The following TAOK3 variants were observed in gnomAD, a reference collection of about 807,000 sequenced individuals.
TAOK3 encodes the protein TAO kinase 3.
A neutral mutation model predicts 120.4 loss-of-function variants in TAOK3; 40 were observed. That is an observed-to-expected ratio of 0.33 (90% confidence interval 0.26 to 0.43). TAOK3 has a LOEUF of 0.43. Among genes scored for constraint, TAOK3 ranks in the 20% least tolerant of loss-of-function variants. The pLI is 1.00. For missense variants in TAOK3, 821 were observed against 1,112.1 expected, an observed-to-expected ratio of 0.74 and a Z score of 3.72; for synonymous variants, 355 against 387.5, an observed-to-expected ratio of 0.92 and a Z score of 0.99.
intron 15 of TAOK3, among the ~76,000 whole-genome samples, chr12:118,178,918 C>T (rs952511310): frequency 3.9e-5 from 6 of 152,150 alleles, no homozygotes; most frequent in South Asian, 4.1e-4. Flanking sequence ...ATACGTAAGA[C>T]GAGCGACTTG....
chr12:118,226,838 C>A (rs919762180), intron 9 of TAOK3, among the ~76,000 whole-genome samples: 1 of 152,072 alleles, frequency 6.6e-6, no homozygotes, highest in Admixed American at 6.6e-5. Flanking sequence ...TCAGAAAGCA[C>A]ATATAAGGGG....
intron 11 of TAOK3, among the ~76,000 whole-genome samples, chr12:118,210,986 C>G (rs2038600404): frequency 6.6e-6 from 1 of 152,180 alleles, no homozygotes; most frequent in African/African-American, 2.4e-5. Flanking sequence ...ATCCTCCCAC[C>G]TTGGCCTCCC....
At chr12:118,320,315 G>T (rs1300962465) in intron 1 of TAOK3, among the ~76,000 whole-genome samples, 1 of 152,054 alleles carries the variant, frequency 6.6e-6, no homozygotes, top group African/African-American at 2.4e-5. Context: ...GAGTAGCCGG[G>T]TATGGTGGCT....
rs763899319 is a variant in TAOK3 at position 118,151,171 on chromosome 12, C to T, written c.2536-13G>A. ...GCTCCTCTTCAATCTGAAAGAAGCACGATGCAGTTCTTAATGGAAAGCATC... is the reference window on the plus strand; with the variant it reads ...GCTCCTCTTCAATCTGAAAGAAGCATGATGCAGTTCTTAATGGAAAGCATC... On this transcript the variant is annotated splice_polypyrimidine_tract_variant and intron_variant, in intron 20 of 20. Coordinates refer to ENST00000392533, the MANE Select transcript of TAOK3 (RefSeq NM_016281.4). 19 of 1,609,918 alleles carry T rather than the reference C, an allele frequency of 1.2e-5. No homozygotes were observed. Among genetic ancestry groups the T allele is most frequent in the Middle Eastern group, 1.7e-4 (1 of 6,052 alleles).
intron 13 of TAOK3, chr12:118,198,386 C>CTTTTTTTTTTTTTTTT (rs756808682): frequency 2.5e-5 from 3 of 121,284 alleles, no homozygotes; most frequent in Admixed American, 9.3e-5. Flanking sequence ...CTTTCTTCTT[C>CTTTTTTTTTTTTTTTT]TTCTTTTTTT....
chr12:118,219,315 T>C (rs1433902322), intron 9 of TAOK3, among the ~76,000 whole-genome samples: 1 of 152,062 alleles, frequency 6.6e-6, no homozygotes, highest in African/African-American at 2.4e-5. Context: ...TGCAGTGGCG[T>C]GATCAGCTCA....
chr12:118,161,943 T>G lies in TAOK3; in HGVS notation c.1984A>C (p.Arg662=). ...HDESTRELEY[R]QLHTLQKLRM... The stretch of plus-strand genomic sequence containing the variant: ...AGCTTCTGTAACGTGTGCAGCTGCC[T>G]GTACTCTAGCTCTCGGGTGGACTCG... Residue 662 remains arginine, a synonymous_variant, in exon 18 of 21, where the codon AGG becomes CGG. Transcript: ENST00000392533. The surrounding 1 kb of genome is among the most constrained non-coding windows in gnomAD (Gnocchi z 4.5). 2 of 1,614,200 alleles carry G rather than the reference T, an allele frequency of 1.2e-6. No homozygotes were observed. Among genetic ancestry groups the G allele is most frequent in the Non-Finnish European group, 1.7e-6 (2 of 1,180,040 alleles).
At chr12:118,205,151 T>C (rs761855197) in intron 11 of TAOK3, among the ~76,000 whole-genome samples, 27 of 149,742 alleles carry the variant, frequency 1.8e-4, no homozygotes, top group Admixed American at 6.0e-4. Flanking sequence ...GCCTAGGTGA[T>C]AGAGTGAGAC....
chr12:118,176,678 A>C (rs962875975), intron 16 of TAOK3, among the ~76,000 whole-genome samples: 26 of 152,310 alleles, frequency 1.7e-4, no homozygotes, highest in African/African-American at 5.8e-4. Flanking sequence ...AAAATCTGAA[A>C]ATCAGTCAGA....
At chr12:118,230,510 C>T (rs1160646429) in intron 9 of TAOK3, among the ~76,000 whole-genome samples, 3 of 111,744 alleles carry the variant, frequency 2.7e-5, no homozygotes, top group African/African-American at 3.4e-5. Context: ...CTTGCTCTGT[C>T]ACCCAGGCTG....
At chr12:118,325,956 A>G (rs1471358074) in intron 1 of TAOK3, among the ~76,000 whole-genome samples, 4 of 152,172 alleles carry the variant, frequency 2.6e-5, no homozygotes, top group Admixed American at 1.3e-4. Flanking sequence ...CTAGCACAAC[A>G]AGCGTGAGCC....
At chr12:118,232,034 T>C (rs1395597951) in intron 9 of TAOK3, among the ~76,000 whole-genome samples, 11 of 152,254 alleles carry the variant, frequency 7.2e-5, no homozygotes, top group Admixed American at 7.2e-4. Context: ...GGCAGTATTA[T>C]GCTGTAGCTA....
intron 1 of TAOK3, among the ~76,000 whole-genome samples, chr12:118,308,929 T>A (rs2140822008): frequency 2.2e-5 from 1 of 45,706 alleles, no homozygotes; most frequent in African/African-American, 8.6e-5. Flanking sequence ...AAACTCTGTC[T>A]CCAAAAAAAA....
chr12:118,207,318 C>T (rs1320857154), intron 11 of TAOK3, among the ~76,000 whole-genome samples: 1 of 147,692 alleles, frequency 6.8e-6, no homozygotes, highest in African/African-American at 2.5e-5. Flanking sequence ...AAGAGCGAAA[C>T]TCCGTCTCAG....
At chr12:118,324,798 G>C (rs890327484) in intron 1 of TAOK3, among the ~76,000 whole-genome samples, 1 of 132,122 alleles carries the variant, frequency 7.6e-6, no homozygotes, top group Non-Finnish European at 1.5e-5. Context: ...AGGCTGGAGT[G>C]CAGTGGCGCG....
At chr12:118,288,364 G>C (rs780712469) in intron 1 of TAOK3, among the ~76,000 whole-genome samples, 14 of 151,980 alleles carry the variant, frequency 9.2e-5, no homozygotes, top group Non-Finnish European at 2.1e-4. Flanking sequence ...CATAATTAAG[G>C]TTAAATGAGG....
rs776609779 is a variant in TAOK3, at chr12:118,180,672, A to G, written c.1566+699T>C. Among the ~76,000 whole-genome samples the G allele has an allele frequency of 3.9e-5, 6 of 152,244 alleles. No individual in the cohort carries two copies. The South Asian group carries it at 1.0e-3, about 26-fold the overall frequency. ...TCATCAGCTGTAGGCAGGGATTATC[A>G]CTACTATAAGAGACTATTTGTAAAG... On this transcript the variant is annotated intron_variant, in intron 15 of 20. Transcript: ENST00000392533.
intron 9 of TAOK3, among the ~76,000 whole-genome samples, chr12:118,225,553 G>C (rs2039461329): frequency 6.6e-6 from 1 of 151,892 alleles, no homozygotes; most frequent in Non-Finnish European, 1.5e-5. Context: ...AAATGTTCTT[G>C]GTAATAATTT....
intron 9 of TAOK3, among the ~76,000 whole-genome samples, chr12:118,224,613 G>A (rs1333443488): frequency 6.6e-6 from 1 of 152,142 alleles, no homozygotes; most frequent in Non-Finnish European, 1.5e-5. Flanking sequence ...AAAATATCTG[G>A]TGACTGGACA....
Sources: allele counts gnomAD v4.1 joint callset (sites outside exome capture counted in the v4.1 genomes callset), GRCh38; gene constraint gnomAD v4.1.1; non-coding constraint Gnocchi (gnomAD v3.1); transcripts MANE v1.5; gene names NCBI Gene and HGNC (gene_info 2026-07-23, HGNC 2026-07-21).